Variants in UBA7 observed in about 807,000 individuals in gnomAD.
UBA7 encodes the protein ubiquitin like modifier activating enzyme 7, also known as ubiquitin-like modifier-activating enzyme 7.
UBA7 carries 88 observed loss-of-function variants against 113.0 expected under a neutral mutation model. That is an observed-to-expected ratio of 0.78 (90% confidence interval 0.66 to 0.93). UBA7 has a LOEUF of 0.93. UBA7 is among the 40% of genes least tolerant of loss of function. The pLI is 0.00. For synonymous variants in UBA7, 459 were observed against 513.0 expected (o/e 0.89, Z 1.42); for missense variants, 1,092 against 1,266.4 (o/e 0.86, Z 2.09).
chr3:49,809,943 C>G (rs1362997785), intron 14 of UBA7, 35 bp downstream of exon 14: 1 of 1,614,000 alleles, frequency 6.2e-7, no homozygotes. Context: ...GAGGGCTGAG[C>G]TGGGTGGGGT....
chr3:49,806,205 C>T lies in UBA7; in HGVS notation c.2716-40G>A, dbSNP rs774605010. 8 of 1,502,480 alleles carry T rather than the reference C, an allele frequency of 5.3e-6. No homozygotes were observed. The Admixed American group carries it at 5.9e-5, about 11-fold the overall frequency. The allele number at this position is 1,502,480 out of a possible 1,614,324, so 93.1% of individuals were successfully genotyped here. ...AGGAGGAGTCAGAGACTTCTTACCT[C>T]CCCCCAACCCCCATCCCAGTTACCA... On this transcript the variant is annotated intron_variant, in intron 21 of 23. Transcript: ENST00000333486.
intron 23 of UBA7, 48 bp from the exon 24 acceptor site, chr3:49,805,485 G>T: frequency 6.4e-7 from 1 of 1,569,242 alleles, no homozygotes; most frequent in Non-Finnish European, 8.8e-7. Context: ...GCCATGGCAA[G>T]CAGAAGGCAG....
In UBA7 at chr3:49,809,797, C is replaced by G; in HGVS notation, c.1904+18G>C. The stretch of plus-strand genomic sequence containing the variant: ...CTTGGAGCCCTGGACTCCCATCTGC[C>G]TCTGTTGGTGGCCTTACTGTTGGTG... On this transcript the variant is annotated intron_variant, in intron 15 of 23. Transcript: ENST00000333486. 1 of 1,614,118 alleles carries G rather than the reference C, an allele frequency of 6.2e-7. No individual in the cohort carries two copies. The highest frequency in any genetic ancestry group is 8.5e-7 in the Non-Finnish European group (1 of 1,180,018).
rs780127525 is a variant in UBA7 at position 49,813,433 on chromosome 3, T to C, written c.225+46A>G. On this transcript the variant is annotated intron_variant, in intron 2 of 23. Transcript: ENST00000333486. ...GAGCAAAGACACTCCTCTTGGGCCG[T>C]GCCCCCACCTTGGTCTGGCAGCCCA... is the stretch of plus-strand genomic sequence containing the variant. 3 of 1,608,964 alleles carry C rather than the reference T, an allele frequency of 1.9e-6. No individual in the cohort carries two copies. The African/African-American group carries it at 4.0e-5, about 22-fold the overall frequency.
At position 49,810,559 on chromosome 3, in the gene UBA7, G is replaced by C; in HGVS notation, c.1425C>G (p.Ser475=). Residue 475 remains serine (S), a synonymous_variant, in exon 12 of 24, where the codon TCC becomes TCG. Transcript: ENST00000333486. This position sits in a 1 kb window ranked among gnomAD's most constrained non-coding sequence, Gnocchi z 5.6. ...TGAAGAGGAACTGACGGCTGAGATT[G>C]GAGCGCTCTATGTGGTCCATGTCAA... ...TVVDMDHIER[S]NLSRQFLFRS... 1 of 1,614,136 alleles carries C rather than the reference G, an allele frequency of 6.2e-7. No homozygotes were observed. The highest frequency in any genetic ancestry group is 8.5e-7 in the Non-Finnish European group (1 of 1,180,018).
chr3:49,806,981 C>T (rs2081464198), intron 21 of UBA7, among the ~76,000 whole-genome samples: 1 of 152,164 alleles, frequency 6.6e-6, no homozygotes, highest in Non-Finnish European at 1.5e-5. Flanking sequence ...TCTGCCCTCT[C>T]CCCTCATGAG....
chr3:49,809,795 G>T lies in UBA7; in HGVS notation c.1904+20C>A. On this transcript the variant is annotated intron_variant, in intron 15 of 23. Coordinates refer to ENST00000333486, the MANE Select transcript of UBA7 (RefSeq NM_003335.3). ...TGCTTGGAGCCCTGGACTCCCATCT[G>T]CCTCTGTTGGTGGCCTTACTGTTGG... 1 of 1,614,134 alleles carries T rather than the reference G, an allele frequency of 6.2e-7. No individual in the cohort carries two copies. The highest frequency in any genetic ancestry group is 8.5e-7 in the Non-Finnish European group (1 of 1,180,038).
rs932712387 is a variant in UBA7, at chr3:49,809,891, G to T, written c.1840-12C>A. 1 of 1,614,208 alleles carries T rather than the reference G, an allele frequency of 6.2e-7. No individual in the cohort carries two copies. The highest frequency in any genetic ancestry group is 1.1e-5 in the South Asian group (1 of 91,084). On this transcript the variant is annotated splice_polypyrimidine_tract_variant and intron_variant, in intron 14 of 23. Coordinates refer to ENST00000333486, the MANE Select transcript of UBA7 (RefSeq NM_003335.3). ...TCATGCCGGGCCCACTGTGGAGGAGGGAGGAAGAATGAGGTATCAGGTGGA... is the reference window on the plus strand; with the variant it reads ...TCATGCCGGGCCCACTGTGGAGGAGTGAGGAAGAATGAGGTATCAGGTGGA...
In UBA7 at chr3:49,809,111, T is replaced by TC; in HGVS notation, c.2211dup (p.Met738AspfsTer24). The TC allele has an allele frequency of 6.2e-7, 1 of 1,613,512 alleles. No individual in the cohort carries two copies. The highest frequency in any genetic ancestry group is 8.5e-7 in the Non-Finnish European group (1 of 1,179,866). ...TCCTGTGAGCCAGGCAGCCCATGCA[T>TC]CTGGGCATACAGGTTGGCAGCTGCC... On this transcript the variant is annotated frameshift_variant, in exon 18 of 24. Transcript: ENST00000333486. LOFTEE classifies it high-confidence loss of function.
Position 49,811,527 on chromosome 3 carries a change from C to T in UBA7, c.940-72G>A, listed in dbSNP as rs1198869738. On this transcript the variant is annotated intron_variant, in intron 8 of 23. Coordinates refer to ENST00000333486, the MANE Select transcript of UBA7 (RefSeq NM_003335.3). ...CTCCTGACTCAAATCCTTCCAGCCA[C>T]CCTCCATCCACCCTGTTCCACAGAA... 2.6e-6 allele frequency: 4 copies of T among 1,533,020 alleles called. No individual in the cohort carries two copies. The East Asian group carries it at 9.8e-5, about 38-fold the overall frequency. The allele number at this position is 1,533,020 out of a possible 1,614,324, so 95.0% of individuals were successfully genotyped here. A position where few individuals can be genotyped will look rare whatever the true frequency, so the allele number is the denominator to read the frequency against.
chr3:49,812,515 T>A lies in UBA7; in HGVS notation c.587A>T (p.Lys196Ile). The change falls in exon 6 of 24, where the codon AAA (lysine) becomes ATA (isoleucine). Residue 196 changes from lysine to isoleucine, a missense_variant. Transcript: ENST00000333486. ...QGSPGILTLR[K>I]GANTHYFRDG... ...ACGGAAGTAGTGGGTATTGGCCCCT[T>A]TCCTCAGAGTGAGAATGCCAGGGGA... The A allele has an allele frequency of 6.2e-7, 1 of 1,614,144 alleles. No homozygotes were observed. The highest frequency in any genetic ancestry group is 8.5e-7 in the Non-Finnish European group (1 of 1,180,034).
chr3:49,810,277 T>C lies in UBA7; in HGVS notation c.1619A>G (p.Asp540Gly). 2 of 1,613,850 alleles carry C rather than the reference T, an allele frequency of 1.2e-6. No homozygotes were observed. The highest frequency in any genetic ancestry group is 1.7e-6 in the Non-Finnish European group (2 of 1,179,986). Residue 540 changes from aspartate (D) to glycine (G), a missense_variant, in exon 13 of 24, where the codon GAC becomes GGC. Around this residue, in one of 3 missense-constraint regions of UBA7, gnomAD observed 584 missense variants for 714.5 expected, o/e 0.82. Coordinates refer to ENST00000333486, the MANE Select transcript of UBA7 (RefSeq NM_003335.3). The surrounding 1 kb of genome is among the most constrained non-coding windows in gnomAD (Gnocchi z 5.6). The stretch of plus-strand genomic sequence containing the variant: ...CAAGCACTCACGGGCCTGGAAACTG[T>C]CCAGGGCAGCAGCCACACCATCCAC... ...SRVDGVAAALDSFQARRYVAA... is the reference protein window; with the variant it reads ...SRVDGVAAALGSFQARRYVAA...
At chr3:49,809,208 G>A in intron 17 of UBA7, 49 bp from the exon 18 acceptor site, 1 of 1,571,420 alleles carries the variant, frequency 6.4e-7, no homozygotes. Context: ...CATGGGGTGG[G>A]GGTCACTGTC....
At position 49,813,106 on chromosome 3, in the gene UBA7, C is replaced by A; in HGVS notation, c.423G>T (p.Lys141Asn). The change falls in exon 4 of 24, where the codon AAG (lysine) becomes AAT (asparagine). Residue 141 changes from lysine to asparagine, a missense_variant. Coordinates refer to ENST00000333486, the MANE Select transcript of UBA7 (RefSeq NM_003335.3). ...EQLKVGTLCH[K>N]HGVCFLAADT... ...CAGCCGCCAGAAAGCAAACTCCATG[C>A]TTATGACACAAGGTGCCCACCTTCA... 6.2e-7 allele frequency: 1 copy of A among 1,614,170 alleles called. No individual in the cohort carries two copies.
Position 49,813,569 on chromosome 3 carries a change from G to A in UBA7, c.135C>T (p.Ala45=), listed in dbSNP as rs770801576. 14 of 1,613,866 alleles carry A rather than the reference G, an allele frequency of 8.7e-6. No homozygotes were observed. The highest frequency in any genetic ancestry group is 2.7e-5 in the African/African-American group (2 of 74,912). ...TCAGAACCAAGTTCTTGGCCACCTC[G>A]GCCCCCAGGCCCTGCAGGCCTGACA... ...VLVSGLQGLG[A]EVAKNLVLMG... is the part of the protein sequence containing the mutation. Residue 45 remains alanine (A), a synonymous_variant, in exon 2 of 24, where the codon GCC becomes GCT. Transcript: ENST00000333486.
At position 49,811,290 on chromosome 3, in the gene UBA7, C is replaced by A. The variant is rs759608675; in HGVS notation, c.1105G>T (p.Ala369Ser). 1.2e-6 allele frequency: 2 copies of A among 1,614,134 alleles called. No homozygotes were observed. Among genetic ancestry groups the A allele is most frequent in the East Asian group, 4.5e-5 (2 of 44,888 alleles). ...CTGCCCACCTTCAGCACTTCCTGGG[C>A]AGCTACTGCACCCAGCATGGCCACC... is the stretch of plus-strand genomic sequence containing the variant. ...PMVAMLGAVA[A>S]QEVLKAISRK... Residue 369 changes from alanine (A) to serine (S), a missense_variant, in exon 9 of 24, where the codon GCC (alanine) becomes TCC (serine). By Grantham distance (99) the Ala-to-Ser change is moderately conservative. This residue lies in a region of UBA7 where 584 missense variants were observed against 714.5 expected (regional missense o/e 0.82). Transcript: ENST00000333486.
chr3:49,806,681 C>T (rs1013180628), intron 21 of UBA7, among the ~76,000 whole-genome samples: 2 of 152,096 alleles, frequency 1.3e-5, no homozygotes, highest in African/African-American at 4.8e-5. Context: ...TCCCTTCCTT[C>T]CTTCCAAGAG....
In UBA7 at chr3:49,811,337, C is replaced by T; in HGVS notation, c.1058G>A (p.Ser353Asn). 6.2e-7 allele frequency: 1 copy of T among 1,614,228 alleles called. No individual in the cohort carries two copies. Among genetic ancestry groups the T allele is most frequent in the African/African-American group, 1.3e-5 (1 of 75,058 alleles). ...CACCATAGGGCTCAAGACACCTGCA[C>T]TGCTTAGGGCGACTGTCCGCACTAG... is the stretch of plus-strand genomic sequence containing the variant. Reference protein sequence around the residue: ...EALVRTVALSSAGVLSPMVAM... With the variant: ...EALVRTVALSNAGVLSPMVAM... The change falls in exon 9 of 24, where the codon AGT (serine) becomes AAT (asparagine). Residue 353 changes from serine to asparagine, a missense_variant. Around this residue, in one of 3 missense-constraint regions of UBA7, gnomAD observed 584 missense variants for 714.5 expected, o/e 0.82. Transcript: ENST00000333486.
At chr3:49,811,209 C>T (rs1366928986) in intron 9 of UBA7, 64 bp downstream of exon 9, 13 of 1,606,344 alleles carry the variant, frequency 8.1e-6, no homozygotes, top group Non-Finnish European at 1.0e-5. Context: ...CGCTGGGTGC[C>T]CTCTGACACA....
Sources: allele counts gnomAD v4.1 joint callset (sites outside exome capture counted in the v4.1 genomes callset), GRCh38; gene constraint gnomAD v4.1.1; regional missense constraint gnomAD v4.1.1; non-coding constraint Gnocchi (gnomAD v3.1); transcripts MANE v1.5; gene names NCBI Gene and HGNC (gene_info 2026-07-23, HGNC 2026-07-21).